The following NLRP13 variants were observed in gnomAD, a reference collection of about 807,000 sequenced individuals.
NLRP13 encodes NACHT, LRR and PYD domains-containing protein 13.
NLRP13 carries 82 observed loss-of-function variants against 94.4 expected under a neutral mutation model. The ratio of observed to expected loss-of-function variants is 0.87; its 90% CI spans 0.73 to 1.04. NLRP13 has a LOEUF of 1.04. Ranked by LOEUF, NLRP13 falls within the 50% of genes least tolerant of loss-of-function variation. NLRP13 has a pLI of 0.00. For missense variants in NLRP13, 1,426 were observed against 1,230.8 expected (o/e 1.16, Z -2.37); for synonymous variants, 553 against 464.7 (o/e 1.19, Z -2.45).
intron 10 of NLRP13, among the ~76,000 whole-genome samples, chr19:55,896,969 G>A (rs1047800677): frequency 6.6e-6 from 1 of 151,994 alleles, no homozygotes; most frequent in Non-Finnish European, 1.5e-5. Context: ...TGATGGAGGA[G>A]GAAACAAAAA....
At chr19:55,892,692 AT>A (rs1205142732), downstream of NLRP13, among the ~76,000 whole-genome samples, 1 of 152,200 alleles carries the variant, frequency 6.6e-6, no homozygotes, top group East Asian at 1.9e-4. Flanking sequence ...AAGTGCTGGA[AT>A]TAGAGGCATG....
chr19:55,894,042 A>AT (rs1568683942), downstream of NLRP13, among the ~76,000 whole-genome samples: 1 of 90,380 alleles, frequency 1.1e-5, no homozygotes, highest in Non-Finnish European at 2.0e-5. Flanking sequence ...CCATGCCCCA[A>AT]CTTTTTTTTT....
chr19:55,908,471 C>T (rs142207741), intron 6 of NLRP13, among the ~76,000 whole-genome samples: 46 of 152,296 alleles, frequency 3.0e-4, no homozygotes, highest in South Asian at 1.2e-3. Flanking sequence ...CATATGCACA[C>T]GTACGTTCAT....
intron 2 of NLRP13, 99 bp from the exon 3 acceptor site, chr19:55,924,757 A>C: frequency 9.5e-7 from 1 of 1,048,632 alleles, no homozygotes; most frequent in Middle Eastern, 2.0e-4. Context: ...TTCTATGGCA[A>C]ACGGGATTGA....
Position 55,910,613 on chromosome 19 carries a change from C to T in NLRP13, c.2232G>A (p.Lys744=), listed in dbSNP as rs749162775. The change falls in exon 6 of 11, where the codon AAG becomes AAA. Residue 744 remains lysine (K), a synonymous_variant. Coordinates refer to ENST00000342929, the MANE Select transcript of NLRP13 (RefSeq NM_176810.2). ...SNSKLHASSV[K]GLCLALKNPR... Reference sequence around the variant, plus strand: ...GATTTTTCAGTGCAAGACAGAGACCCTTCACAGAGGAAGCATGAAGTTTGC... The same window carrying T: ...GATTTTTCAGTGCAAGACAGAGACCTTTCACAGAGGAAGCATGAAGTTTGC... 5 of 1,613,614 alleles carry T rather than the reference C, an allele frequency of 3.1e-6. No homozygotes were observed. In the Admixed American group the frequency reaches 5.0e-5, roughly 16 times the overall value.
chr19:55,923,573 CTAAA>C (rs1986892409), intron 4 of NLRP13, among the ~76,000 whole-genome samples: 3 of 152,292 alleles, frequency 2.0e-5, no homozygotes, highest in Admixed American at 2.0e-4. Flanking sequence ...TAAATCTGTT[CTAAA>C]TAAATGCCCG....
chr19:55,893,158 G>A (rs1985903207), downstream of NLRP13, among the ~76,000 whole-genome samples: 1 of 152,156 alleles, frequency 6.6e-6, no homozygotes, highest in Admixed American at 6.5e-5. Flanking sequence ...GGAGGCTGAG[G>A]CAGGTGAATT....
chr19:55,899,799 G>GGC (rs1473373876), intron 9 of NLRP13, among the ~76,000 whole-genome samples: 1 of 152,072 alleles, frequency 6.6e-6, no homozygotes, highest in African/African-American at 2.4e-5. Flanking sequence ...TTGACTACGT[G>GGC]AAGAACGTCC....
intron 3 of NLRP13, 148 bp from the exon 4 acceptor site, chr19:55,924,127 T>G: frequency 1.5e-6 from 1 of 645,586 alleles, no homozygotes; most frequent in South Asian, 2.0e-5. Context: ...TTTATATTTT[T>G]TATTTATTTT....
At chr19:55,927,294 G>T (rs559952650) in intron 1 of NLRP13, among the ~76,000 whole-genome samples, 1 of 151,124 alleles carries the variant, frequency 6.6e-6, no homozygotes, top group Non-Finnish European at 1.5e-5. Flanking sequence ...GCTTGAACCC[G>T]GAGGCAGAGG....
chr19:55,926,204 G>A (rs1986962068), intron 1 of NLRP13, among the ~76,000 whole-genome samples: 1 of 152,168 alleles, frequency 6.6e-6, no homozygotes, highest in Admixed American at 6.5e-5. Flanking sequence ...CAAGTATCAG[G>A]CATCACCATC....
chr19:55,913,548 C>CAAAAAAAAAAAAAAAAAAAAAAAAAAAAA (rs10530056), intron 4 of NLRP13, among the ~76,000 whole-genome samples: 4 of 52,056 alleles, frequency 7.7e-5, no homozygotes, highest in Non-Finnish European at 1.2e-4. Context: ...GACTCCGTCT[C>CAAAAAAAAAAAAAAAAAAAAAAAAAAAAA]AAAAAAAAAA....
intron 1 of NLRP13, among the ~76,000 whole-genome samples, chr19:55,930,543 G>T (rs146505659): frequency 1.3e-5 from 2 of 151,558 alleles, no homozygotes; most frequent in Non-Finnish European, 2.9e-5. Flanking sequence ...AAAATTAGCC[G>T]GGCATGGTGG....
intron 6 of NLRP13, among the ~76,000 whole-genome samples, chr19:55,909,859 A>G (rs955544011): frequency 6.6e-6 from 1 of 151,878 alleles, no homozygotes; most frequent in African/African-American, 2.4e-5. Context: ...CCAGGTATCC[A>G]TGGGCACAGT....
In NLRP13 at chr19:55,926,826, T is replaced by C. The variant is rs150406360; in HGVS notation, c.320-1791A>G. Among the ~76,000 whole-genome samples the C allele has an allele frequency of 2.7e-3, 415 of 152,242 alleles. 1 individual carries two copies. Among genetic ancestry groups the C allele is most frequent in the Non-Finnish European group, 4.9e-3 (335 of 68,022 alleles). ...CAATGCATGAAGAATATAGAGTAAT[T>C]TTAAACTTTTATGTATATAATGAAA... On this transcript the variant is annotated intron_variant, in intron 1 of 10. Transcript: ENST00000342929.
intron 4 of NLRP13, among the ~76,000 whole-genome samples, chr19:55,923,020 T>C (rs139559906): frequency 1.1e-4 from 17 of 152,336 alleles, no homozygotes; most frequent in African/African-American, 3.1e-4. Context: ...CTTTGGGGCT[T>C]GTATACATGC....
chr19:55,901,971 T>C, intron 9 of NLRP13, 64 bp downstream of exon 9: 1 of 1,538,440 alleles, frequency 6.5e-7, no homozygotes, highest in South Asian at 1.2e-5. Flanking sequence ...AACTCAGGCA[T>C]TGGTGGGTCA....
intron 10 of NLRP13, among the ~76,000 whole-genome samples, chr19:55,897,062 C>T (rs1318726574): frequency 6.6e-6 from 1 of 152,098 alleles, no homozygotes; most frequent in Non-Finnish European, 1.5e-5. Context: ...ACTGAAATAG[C>T]ACTATTATTC....
chr19:55,928,370 A>G (rs1987021529), intron 1 of NLRP13, among the ~76,000 whole-genome samples: 1 of 152,320 alleles, frequency 6.6e-6, no homozygotes, highest in East Asian at 1.9e-4. Flanking sequence ...TGTACCCCAT[A>G]AATATATACA....
Sources: allele counts gnomAD v4.1 joint callset (sites outside exome capture counted in the v4.1 genomes callset), GRCh38; gene constraint gnomAD v4.1.1; transcripts MANE v1.5; gene names NCBI Gene and HGNC (gene_info 2026-07-23, HGNC 2026-07-21).